Variants in TRIM37 observed in about 807,000 individuals in gnomAD.
TRIM37 encodes tripartite motif containing 37.
In TRIM37, 80 loss-of-function variants were observed where a neutral mutation model predicts 129.8. The ratio of observed to expected loss-of-function variants is 0.62; its 90% confidence interval spans 0.51 to 0.74. The LOEUF is 0.74. TRIM37 is among the 30% of genes least tolerant of loss of function. The pLI, the probability that TRIM37 is intolerant of heterozygous loss-of-function variation, is 0.00. For missense variants in TRIM37, 1,054 were observed against 1,176.5 expected (o/e 0.90, Z 1.52); for synonymous variants, 389 against 387.1 (o/e 1.00, Z -0.06).
chr17:59,089,126 T>G (rs1433114287), intron 3 of TRIM37, among the ~76,000 whole-genome samples: 1 of 152,022 alleles, frequency 6.6e-6, no homozygotes, highest in Admixed American at 6.6e-5. Context: ...CAATGGCATG[T>G]GCCTACAGTC....
rs1008403347 is a variant in TRIM37, at chr17:59,028,360, C to T, written c.2257+55G>A. ...ATATTATTCTTTTGAAAAAACCAGT[C>T]ATCTAGTTTCCCAAATAACGTGTGG... On this transcript the variant is annotated intron_variant, in intron 19 of 23. Coordinates refer to ENST00000262294, the MANE Select transcript of TRIM37 (RefSeq NM_015294.6). 5 of 1,529,550 alleles carry T rather than the reference C, an allele frequency of 3.3e-6. No individual in the cohort carries two copies. The African/African-American group carries it at 5.5e-5, about 17-fold the overall frequency. The allele number at this position is 1,529,550 out of a possible 1,614,324, so 94.7% of individuals were successfully genotyped here.
chr17:59,084,924 A>G (rs2043619100), intron 4 of TRIM37, among the ~76,000 whole-genome samples: 1 of 152,224 alleles, frequency 6.6e-6, no homozygotes, highest in African/African-American at 2.4e-5. Flanking sequence ...CACCTATCAG[A>G]ACTGTGAGAA....
intron 13 of TRIM37, 141 bp downstream of exon 13, chr17:59,056,734 A>G (rs2040945882): frequency 2.4e-6 from 1 of 424,628 alleles, no homozygotes; most frequent in Middle Eastern, 6.2e-4. Flanking sequence ...AAAAAAAAAA[A>G]AAAAAAAAAA....
chr17:58,969,879 C>A, the TRIM37 span: 1 of 728,940 alleles, frequency 1.4e-6, no homozygotes, highest in Non-Finnish European at 2.2e-6. Context: ...TGTTGTAGTT[C>A]CAATTCCCTC....
intron 9 of TRIM37, among the ~76,000 whole-genome samples, chr17:59,066,670 C>G (rs2041943982): frequency 6.6e-6 from 1 of 152,154 alleles, no homozygotes; most frequent in Non-Finnish European, 1.5e-5. Flanking sequence ...AAAACAGGTA[C>G]TGTGATATAC....
chr17:58,998,993 G>A lies in TRIM37; in HGVS notation c.*384C>T. 1 of 1,090,094 alleles carries A rather than the reference G, an allele frequency of 9.2e-7. No homozygotes were observed. Among genetic ancestry groups the A allele is most frequent in the Non-Finnish European group, 1.1e-6 (1 of 892,294 alleles). The allele number at this position is 1,090,094 out of a possible 1,614,324, so 67.5% of individuals were successfully genotyped here. A position where few individuals can be genotyped will look rare whatever the true frequency, so the allele number is the denominator to read the frequency against. On this transcript the variant is annotated 3_prime_UTR_variant, in exon 24 of 24. Coordinates refer to ENST00000262294, the MANE Select transcript of TRIM37 (RefSeq NM_015294.6). ...ATTATTTAAACACAACTAAGCTCTA[G>A]CCAAAGACAGTAGAGCACCAATGCC...
intron 2 of TRIM37, among the ~76,000 whole-genome samples, chr17:59,095,422 A>T (rs915928299): frequency 2.0e-5 from 3 of 152,192 alleles, no homozygotes; most frequent in Non-Finnish European, 4.4e-5. Context: ...AGTAGTGTGG[A>T]GGGAGCTAAA....
chr17:59,011,198 A>G (rs1001657992), intron 22 of TRIM37, among the ~76,000 whole-genome samples: 2 of 151,992 alleles, frequency 1.3e-5, no homozygotes, highest in Non-Finnish European at 2.9e-5. Context: ...CAGAAAAAGA[A>G]AGTATTCCCC....
chr17:59,007,319 G>T (rs913853392), intron 22 of TRIM37, among the ~76,000 whole-genome samples: 3 of 147,066 alleles, frequency 2.0e-5, no homozygotes, highest in African/African-American at 7.5e-5. Context: ...CCTTCTTATT[G>T]AGAGATTTGT....
At chr17:59,101,082 T>G (rs2045424075) in intron 2 of TRIM37, among the ~76,000 whole-genome samples, 1 of 151,026 alleles carries the variant, frequency 6.6e-6, no homozygotes, top group African/African-American at 2.4e-5. Context: ...ATATGTGTAG[T>G]TTACTGCATG....
chr17:59,058,031 T>C (rs772405944), intron 12 of TRIM37, among the ~76,000 whole-genome samples: 8 of 152,234 alleles, frequency 5.3e-5, no homozygotes, highest in Non-Finnish European at 8.8e-5. Context: ...CTCATAAATA[T>C]TGTTATTTCT....
At chr17:59,043,024 T>C (rs919496541) in intron 16 of TRIM37, among the ~76,000 whole-genome samples, 1 of 152,046 alleles carries the variant, frequency 6.6e-6, no homozygotes, top group African/African-American at 2.4e-5. Flanking sequence ...CTTAAAACAC[T>C]ACATTTTAAC....
rs1253174804 is a variant in TRIM37, at chr17:59,015,719, G to A, written c.2467C>T (p.Pro823Ser). 6.2e-7 allele frequency: 1 copy of A among 1,614,078 alleles called. No individual in the cohort carries two copies. Among genetic ancestry groups the A allele is most frequent in the Non-Finnish European group, 8.5e-7 (1 of 1,180,012 alleles). Residue 823 changes from proline to serine, a missense_variant, in exon 21 of 24, where the codon CCA becomes TCA. Physicochemically the swap from Pro to Ser is moderately conservative, Grantham distance 74. Around this residue, in one of 3 missense-constraint regions of TRIM37, gnomAD observed 287 missense variants for 274.3 expected, o/e 1.05. Coordinates refer to ENST00000262294, the MANE Select transcript of TRIM37 (RefSeq NM_015294.6). The part of the protein sequence containing the change: ...LIHGSIGDIL[P>S]KTEDRQCKAL... ...TTACACTGCCGGTCTTCAGTTTTTG[G>A]CAGAATATCACCGATACTGCCATGT...
intron 22 of TRIM37, among the ~76,000 whole-genome samples, chr17:59,003,922 T>TAAAAAA: frequency 1.1e-5 from 1 of 89,570 alleles, no homozygotes; most frequent in East Asian, 3.4e-4. Flanking sequence ...CCCATCTCTA[T>TAAAAAA]AAAAAAAAAA....
At chr17:58,971,543 C>A in the TRIM37 span, among the ~76,000 whole-genome samples, 22 of 152,142 alleles carry the variant, frequency 1.4e-4, no homozygotes, top group African/African-American at 5.3e-4. Context: ...CCTAAAAATA[C>A]TGTAGGAAGG....
At chr17:59,015,560 C>T (rs2035818090) in intron 21 of TRIM37, 50 bp downstream of exon 21, 1 of 1,581,292 alleles carries the variant, frequency 6.3e-7, no homozygotes. Context: ...AAGTTCCAAA[C>T]AAAGCTATTA....
At chr17:58,997,423 C>G (rs185129517), downstream of TRIM37, among the ~76,000 whole-genome samples, 80 of 152,286 alleles carry the variant, frequency 5.3e-4, no homozygotes, top group Admixed American at 2.6e-3. Context: ...CACCCCATCC[C>G]TGCCAGTGGT....
intron 16 of TRIM37, among the ~76,000 whole-genome samples, chr17:59,042,105 G>T (rs143735646): frequency 6.6e-6 from 1 of 150,818 alleles, no homozygotes; most frequent in East Asian, 2.0e-4. Context: ...GGCCGGGCGC[G>T]GTGGCTCATG....
intron 24 of TRIM37, among the ~76,000 whole-genome samples, chr17:58,986,067 C>T (rs898072447): frequency 2.0e-5 from 3 of 152,150 alleles, no homozygotes; most frequent in East Asian, 1.9e-4. Context: ...CCACTAGGTA[C>T]AGTAAAATCA....
Sources: allele counts gnomAD v4.1 joint callset (sites outside exome capture counted in the v4.1 genomes callset), GRCh38; gene constraint gnomAD v4.1.1; regional missense constraint gnomAD v4.1.1; transcripts MANE v1.5; gene names NCBI Gene and HGNC (gene_info 2026-07-23, HGNC 2026-07-21).